The following PCDHA1 variants were observed in gnomAD, a reference collection of about 807,000 sequenced individuals.
The protein encoded by PCDHA1 is protocadherin alpha 1, also known as protocadherin alpha-1.
PCDHA1 carries 42 observed loss-of-function variants against 61.3 expected under a neutral mutation model. The ratio of observed to expected loss-of-function variants is 0.69; its 90% CI spans 0.54 to 0.89. The LOEUF is 0.89. PCDHA1 is among the 40% of genes least tolerant of loss of function. The pLI is 0.00. For synonymous variants in PCDHA1, 610 were observed against 553.8 expected (o/e 1.10, Z -1.43); for missense variants, 1,256 against 1,235.3 (o/e 1.02, Z -0.25).
intron 1 of PCDHA1, chr5:140,875,547 G>C (rs558501431): frequency 1.2e-6 from 2 of 1,614,152 alleles, no homozygotes; most frequent in Admixed American, 1.7e-5. Context: ...CAGCCTGGGA[G>C]GTGGGGAGCG....
chr5:140,801,782 G>A, intron 1 of PCDHA1: 1 of 1,613,762 alleles, frequency 6.2e-7, no homozygotes, highest in Non-Finnish European at 8.5e-7. Flanking sequence ...TTGGACTCGT[G>A]TTGAAAAAAA....
intron 1 of PCDHA1, among the ~76,000 whole-genome samples, chr5:140,912,549 A>G (rs2075971399): frequency 6.6e-6 from 1 of 152,152 alleles, no homozygotes; most frequent in East Asian, 1.9e-4. Context: ...TTGTCAGCAA[A>G]CAGCAACAGT....
chr5:140,852,939 T>C (rs995213458), intron 1 of PCDHA1: 2 of 590,456 alleles, frequency 3.4e-6, no homozygotes, highest in Non-Finnish European at 4.4e-6. Context: ...AGTGCAGTGG[T>C]GCCATCTTGG....
At chr5:140,836,658 T>C (rs2150267080) in intron 1 of PCDHA1, 1 of 1,613,298 alleles carries the variant, frequency 6.2e-7, no homozygotes, top group South Asian at 1.1e-5. Flanking sequence ...GCAGAGGGTG[T>C]GCTCTGGGGA....
intron 1 of PCDHA1, among the ~76,000 whole-genome samples, chr5:140,800,677 T>C (rs1762589506): frequency 6.6e-6 from 1 of 152,182 alleles, no homozygotes; most frequent in Admixed American, 6.5e-5. Flanking sequence ...AAGCGAATAA[T>C]ATTAAAACTT....
At chr5:140,877,812 A>AGT (rs1199623134) in intron 1 of PCDHA1, 1 of 1,610,228 alleles carries the variant, frequency 6.2e-7, no homozygotes, top group East Asian at 2.2e-5. Context: ...AGCTGTCTCG[A>AGT]GAAGATTGTT....
At chr5:140,876,135 A>T (rs782217370) in intron 1 of PCDHA1, 2 of 1,613,954 alleles carry the variant, frequency 1.2e-6, no homozygotes, top group Admixed American at 3.3e-5. Context: ...GTAAACCAGA[A>T]CTAACAGGGT....
intron 1 of PCDHA1, chr5:140,825,891 G>A (rs1191731614): frequency 6.6e-6 from 1 of 152,362 alleles, no homozygotes; most frequent in Non-Finnish European, 1.5e-5. Context: ...GTTTATTAAA[G>A]CTGTATGTTT....
chr5:140,841,970 G>C, intron 1 of PCDHA1: 6 of 1,613,902 alleles, frequency 3.7e-6, no homozygotes, highest in Non-Finnish European at 5.1e-6. Context: ...AGCCACAGAT[G>C]GGGGCAAACC....
intron 1 of PCDHA1, among the ~76,000 whole-genome samples, chr5:140,908,097 G>A (rs184366035): frequency 2.6e-5 from 4 of 152,212 alleles, no homozygotes; most frequent in African/African-American, 9.6e-5. Flanking sequence ...ACTGATTGAA[G>A]TTCTGTCCAC....
intron 1 of PCDHA1, chr5:140,867,201 T>C (rs1554161078): frequency 6.6e-6 from 1 of 152,156 alleles, no homozygotes; most frequent in African/African-American, 2.4e-5. Context: ...CCACATTCCA[T>C]GTAACATCTT....
chr5:140,804,920 T>C (rs913394300), intron 1 of PCDHA1: 13 of 979,494 alleles, frequency 1.3e-5, no homozygotes, highest in Non-Finnish European at 1.7e-5. Flanking sequence ...TATTTCCTTT[T>C]TTGGCACTAT....
In PCDHA1 at chr5:140,877,128, G is replaced by T. The variant is rs782052511; in HGVS notation, c.2394+88444G>T. On this transcript the variant is annotated intron_variant, in intron 1 of 3. Coordinates refer to ENST00000504120, the MANE Select transcript of PCDHA1 (RefSeq NM_018900.4). ...CTCTGGGCAGCAACGTGACGCTGCA[G>T]GTGTTCGTGCTGGACGAGAACGACA... is the stretch of plus-strand genomic sequence containing the variant. 3.1e-6 allele frequency: 5 copies of T among 1,613,644 alleles called. No homozygotes were observed. The African/African-American group carries it at 5.3e-5, about 17-fold the overall frequency.
intron 1 of PCDHA1, chr5:140,801,769 C>T: frequency 6.2e-7 from 1 of 1,613,918 alleles, no homozygotes; most frequent in African/African-American, 1.3e-5. Context: ...GAAATTAAAT[C>T]CCTTGGACTC....
rs2045092638 is a variant in PCDHA1, at chr5:140,858,000, A to G, written c.2394+69316A>G. The stretch of plus-strand genomic sequence containing the variant: ...CGCCAGCGCCTACTGGTGCTGGTGA[A>G]GGACCATGGCGAGCCGTCGCTGACG... On this transcript the variant is annotated intron_variant, in intron 1 of 3. Coordinates refer to ENST00000504120, the MANE Select transcript of PCDHA1 (RefSeq NM_018900.4). 1.0e-5 allele frequency: 16 copies of G among 1,596,802 alleles called. 2 individuals carry two copies. Among genetic ancestry groups the G allele is most frequent in the Non-Finnish European group, 1.4e-5 (16 of 1,167,152 alleles).
rs782433046 is a variant in PCDHA1, at chr5:140,808,275, C to T, written c.2394+19591C>T. 23 of 1,614,138 alleles carry T rather than the reference C, an allele frequency of 1.4e-5. No homozygotes were observed. The Admixed American group carries it at 3.8e-4, about 27-fold the overall frequency. On this transcript the variant is annotated intron_variant, in intron 1 of 3. Transcript: ENST00000504120. ...TTATCACTTCCAATTAGAGAGGACG[C>T]TCCACTGGGTACAGTCATCGCCCTG...
intron 1 of PCDHA1, chr5:140,802,591 A>G (rs782569286): frequency 1.1e-5 from 17 of 1,613,710 alleles, no homozygotes; most frequent in African/African-American, 1.3e-5. Context: ...GTGTTCGTGA[A>G]GGAGAACAAC....
At chr5:140,857,037 T>C in intron 1 of PCDHA1, 1 of 1,596,258 alleles carries the variant, frequency 6.3e-7, no homozygotes, top group Non-Finnish European at 8.6e-7. Context: ...CCACCTATGG[T>C]TGGTCACTGC....
chr5:140,842,302 T>A (rs1554138952), intron 1 of PCDHA1: 3 of 1,609,802 alleles, frequency 1.9e-6, no homozygotes, highest in Non-Finnish European at 2.6e-6. Flanking sequence ...ACAAAGGCCA[T>A]CCTCCCATGG....
Sources: gnomAD v4.1 joint callset for allele counts (sites outside exome capture counted in the v4.1 genomes callset) on GRCh38, gnomAD v4.1.1 for gene constraint, MANE v1.5 for transcripts, NCBI Gene and HGNC (gene_info 2026-07-23, HGNC 2026-07-21) for gene names.